Variants in LMNTD1 observed in about 807,000 individuals in gnomAD.
The protein encoded by LMNTD1 is lamin tail domain-containing protein 1.
LMNTD1 carries 35 observed loss-of-function variants against 50.9 expected under a neutral mutation model. That is an observed-to-expected ratio of 0.69 (90% CI 0.53 to 0.91). The LOEUF (loss-of-function observed/expected upper bound fraction) is 0.91, where lower values mean the gene tolerates loss of function less well. LMNTD1 is among the 40% of genes least tolerant of loss of function. LMNTD1 has a pLI of 0.00. For synonymous variants in LMNTD1, 153 were observed against 161.9 expected (o/e 0.94, Z 0.42); for missense variants, 470 against 475.5 (o/e 0.99, Z 0.11).
At chr12:25,498,211 C>G (rs925089989) in intron 9 of LMNTD1, among the ~76,000 whole-genome samples, 1 of 152,058 alleles carries the variant, frequency 6.6e-6, no homozygotes, top group Non-Finnish European at 1.5e-5. Context: ...AATAAGATAG[C>G]TGTAGAATAA....
intron 9 of LMNTD1, among the ~76,000 whole-genome samples, chr12:25,500,704 C>T (rs574387880): frequency 1.5e-4 from 23 of 152,132 alleles, no homozygotes; most frequent in African/African-American, 4.1e-4. Context: ...CAAGTCTAAA[C>T]GTTCACACGA....
intron 1 of LMNTD1, among the ~76,000 whole-genome samples, chr12:25,611,236 C>A (rs1946236189): frequency 6.6e-6 from 1 of 152,158 alleles, no homozygotes; most frequent in South Asian, 2.1e-4. Flanking sequence ...AGACAGAAAT[C>A]ATATGTTTAG....
intron 1 of LMNTD1, among the ~76,000 whole-genome samples, chr12:25,614,295 C>T (rs545192365): frequency 1.3e-5 from 2 of 152,156 alleles, no homozygotes; most frequent in East Asian, 1.9e-4. Context: ...TTGCCTCCAC[C>T]AGCCCTGGAG....
intron 1 of LMNTD1, among the ~76,000 whole-genome samples, chr12:25,624,586 T>TAGG (rs1421964664): frequency 2.3e-5 from 1 of 43,342 alleles, no homozygotes; most frequent in Non-Finnish European, 1.0e-4. Flanking sequence ...ATAGGACTTT[T>TAGG]AGGAGTCATT....
At chr12:25,579,779 A>G (rs916610516) in intron 1 of LMNTD1, among the ~76,000 whole-genome samples, 7 of 151,962 alleles carry the variant, frequency 4.6e-5, no homozygotes, top group African/African-American at 1.7e-4. Flanking sequence ...ACCACTACAT[A>G]TTATCAAATG....
At chr12:25,592,260 G>A (rs886066568) in intron 1 of LMNTD1, among the ~76,000 whole-genome samples, 5 of 152,178 alleles carry the variant, frequency 3.3e-5, no homozygotes, top group African/African-American at 7.2e-5. Context: ...AGAGCAGCAC[G>A]TGGAGGCTTG....
intron 9 of LMNTD1, among the ~76,000 whole-genome samples, chr12:25,484,271 T>C (rs529527663): frequency 3.2e-4 from 49 of 152,070 alleles, no homozygotes; most frequent in African/African-American, 1.2e-3. Flanking sequence ...TTTCGTTTTT[T>C]TGTTGTTTTA....
chr12:25,539,676 A>G (rs1942901439), intron 4 of LMNTD1, among the ~76,000 whole-genome samples: 1 of 149,636 alleles, frequency 6.7e-6, no homozygotes, highest in African/African-American at 2.5e-5. Flanking sequence ...TAGAAAAGCA[A>G]GAGCAAACAC....
intron 1 of LMNTD1, among the ~76,000 whole-genome samples, chr12:25,606,761 A>G: frequency 6.6e-6 from 1 of 152,156 alleles, no homozygotes. Flanking sequence ...TTTTTGCATC[A>G]ATGTTCATCA....
intron 8 of LMNTD1, among the ~76,000 whole-genome samples, chr12:25,510,106 T>C (rs1289955605): frequency 1.3e-5 from 2 of 152,228 alleles, no homozygotes; most frequent in African/African-American, 4.8e-5. Context: ...TAGTAAACAT[T>C]TATGTTTGTT....
chr12:25,511,201 T>C (rs993360533), intron 8 of LMNTD1, among the ~76,000 whole-genome samples: 1 of 152,178 alleles, frequency 6.6e-6, no homozygotes, highest in Non-Finnish European at 1.5e-5. Flanking sequence ...AGGACAGCCC[T>C]GGCTCAAAGA....
At chr12:25,626,810 A>G (rs1057253140) in intron 1 of LMNTD1, among the ~76,000 whole-genome samples, 12 of 152,190 alleles carry the variant, frequency 7.9e-5, no homozygotes, top group African/African-American at 2.4e-4. Flanking sequence ...CCAAGCTGAA[A>G]CCTCAAAAAC....
intron 8 of LMNTD1, among the ~76,000 whole-genome samples, chr12:25,511,057 A>T (rs1026161864): frequency 2.0e-5 from 3 of 152,154 alleles, no homozygotes; most frequent in Admixed American, 2.0e-4. Flanking sequence ...AGGATGAAAA[A>T]GAATTATCCA....
At chr12:25,625,543 G>T (rs1946571178) in intron 1 of LMNTD1, among the ~76,000 whole-genome samples, 1 of 152,106 alleles carries the variant, frequency 6.6e-6, no homozygotes. Context: ...CTGGTCTGCT[G>T]TCTCTGGGGG....
intron 2 of LMNTD1, among the ~76,000 whole-genome samples, chr12:25,551,976 G>A (rs1943771228): frequency 1.3e-5 from 2 of 152,128 alleles, no homozygotes; most frequent in African/African-American, 4.8e-5. Context: ...TTTGGGAGAC[G>A]CTGCATTGAT....
intron 1 of LMNTD1, among the ~76,000 whole-genome samples, chr12:25,565,724 C>A (rs992344887): frequency 6.6e-6 from 1 of 152,140 alleles, no homozygotes; most frequent in East Asian, 1.9e-4. Context: ...CATCAACATC[C>A]TTTTTCTTTC....
intron 1 of LMNTD1, among the ~76,000 whole-genome samples, chr12:25,607,429 G>A (rs939692220): frequency 6.6e-6 from 1 of 152,068 alleles, no homozygotes; most frequent in East Asian, 1.9e-4. Context: ...TGATGTTAGG[G>A]TGTCAATTTT....
intron 1 of LMNTD1, among the ~76,000 whole-genome samples, chr12:25,596,650 C>G (rs1945850737): frequency 1.3e-5 from 2 of 151,884 alleles, no homozygotes; most frequent in Admixed American, 1.3e-4. Context: ...ATCTGTCCTA[C>G]AAGAAATGCT....
intron 6 of LMNTD1, among the ~76,000 whole-genome samples, chr12:25,525,314 T>C (rs926212162): frequency 3.9e-5 from 6 of 152,208 alleles, no homozygotes; most frequent in South Asian, 2.1e-4. Flanking sequence ...GAGTAAAGTA[T>C]AGTCATTTCA....
Sources: allele counts gnomAD v4.1 joint callset (sites outside exome capture counted in the v4.1 genomes callset), GRCh38; gene constraint gnomAD v4.1.1; transcripts MANE v1.5; gene names NCBI Gene and HGNC (gene_info 2026-07-23, HGNC 2026-07-21).